Variants in SLC7A8 observed in about 807,000 individuals in gnomAD.
SLC7A8 encodes solute carrier family 7 member 8, also known as large neutral amino acids transporter small subunit 2.
Under a neutral mutation model 51.2 loss-of-function variants are expected in SLC7A8, and 30 were observed. That is an observed-to-expected ratio of 0.59 (90% CI 0.44 to 0.80). The LOEUF is 0.80. Ranked by LOEUF, SLC7A8 falls within the 30% of genes least tolerant of loss-of-function variation. The pLI, the probability that SLC7A8 is intolerant of heterozygous loss-of-function variation, is 0.00. For synonymous variants in SLC7A8, 257 were observed against 275.8 expected (o/e 0.93, Z 0.67); for missense variants, 612 against 674.4 (o/e 0.91, Z 1.03).
At chr14:23,134,624 T>G (rs1332703021) in intron 7 of SLC7A8, among the ~76,000 whole-genome samples, 2 of 151,774 alleles carry the variant, frequency 1.3e-5, no homozygotes, top group Non-Finnish European at 2.9e-5. Context: ...GTGGCGTGAT[T>G]ATAGCTCACT....
chr14:23,154,998 C>CCA (rs1297196970), intron 3 of SLC7A8, among the ~76,000 whole-genome samples: 3 of 89,438 alleles, frequency 3.4e-5, no homozygotes, highest in Non-Finnish European at 6.5e-5. Flanking sequence ...ACACAACAGA[C>CCA]AAAAAAAAAA....
At chr14:23,154,773 C>G (rs2048877727) in intron 3 of SLC7A8, among the ~76,000 whole-genome samples, 1 of 152,160 alleles carries the variant, frequency 6.6e-6, no homozygotes, top group South Asian at 2.1e-4. Flanking sequence ...TGGGCAGACA[C>G]GGATCCAGCT....
At chr14:23,178,820 G>A (rs1594843115) in intron 1 of SLC7A8, among the ~76,000 whole-genome samples, 1 of 148,814 alleles carries the variant, frequency 6.7e-6, no homozygotes, top group Non-Finnish European at 1.5e-5. Flanking sequence ...TTGCTTTCGA[G>A]GCTGCAGTGA....
At chr14:23,127,539 G>A (rs1327978002) in intron 10 of SLC7A8, among the ~76,000 whole-genome samples, 196 bp from the exon 11 acceptor site, 2 of 152,222 alleles carry the variant, frequency 1.3e-5, no homozygotes, top group African/African-American at 4.8e-5. Context: ...GAAGGCCCCA[G>A]CCTTCCCACC....
chr14:23,170,182 A>T (rs2048968914), intron 1 of SLC7A8, among the ~76,000 whole-genome samples: 1 of 152,176 alleles, frequency 6.6e-6, no homozygotes, highest in Non-Finnish European at 1.5e-5. Flanking sequence ...AGGTGAAGGG[A>T]CTTTATCAAA....
At chr14:23,140,681 C>T in intron 4 of SLC7A8, 57 bp from the exon 5 acceptor site, 1 of 1,531,614 alleles carries the variant, frequency 6.5e-7, no homozygotes, top group South Asian at 1.2e-5. Flanking sequence ...GCCCAGCAGC[C>T]CCTGGCCTGC....
intron 3 of SLC7A8, among the ~76,000 whole-genome samples, chr14:23,150,378 G>T (rs1389911106): frequency 6.6e-6 from 1 of 152,196 alleles, no homozygotes; most frequent in Non-Finnish European, 1.5e-5. Context: ...TGTAAGGTGT[G>T]AAGTGGTAAG....
intron 3 of SLC7A8, among the ~76,000 whole-genome samples, chr14:23,162,252 G>A (rs897779053): frequency 1.3e-5 from 2 of 152,172 alleles, no homozygotes; most frequent in Non-Finnish European, 2.9e-5. Flanking sequence ...GGCCTTCACA[G>A]CTAGGAGGAA....
In SLC7A8 at chr14:23,176,682, C is replaced by T. The variant is rs137879472; in HGVS notation, c.151+6082G>A. Among the ~76,000 whole-genome samples the T allele has an allele frequency of 1.1e-3, 175 of 152,204 alleles. 1 individual carries two copies. Among genetic ancestry groups the T allele is most frequent in the African/African-American group, 4.1e-3 (170 of 41,524 alleles). ...TTAGGCTGGGCGCGGTGGCTCACACCTATAATCCCAGCACTTTGGGAGGCC... is the reference window on the plus strand; with the variant it reads ...TTAGGCTGGGCGCGGTGGCTCACACTTATAATCCCAGCACTTTGGGAGGCC... On this transcript the variant is annotated intron_variant, in intron 1 of 10. Transcript: ENST00000316902.
intron 3 of SLC7A8, among the ~76,000 whole-genome samples, chr14:23,163,050 G>GA (rs1317407167): frequency 1.3e-5 from 2 of 152,156 alleles, no homozygotes; most frequent in African/African-American, 4.8e-5. Context: ...TCTGATGGCA[G>GA]AAACAGCACT....
intron 1 of SLC7A8, among the ~76,000 whole-genome samples, chr14:23,178,052 C>A (rs1339055354): frequency 6.6e-6 from 1 of 152,132 alleles, no homozygotes; most frequent in Non-Finnish European, 1.5e-5. Context: ...AGTTGTGTGA[C>A]CTTCAGCAAA....
Position 23,127,074 on chromosome 14 carries a change from CAGAG to C in SLC7A8, c.*99_*102del. Reference sequence around the variant, plus strand: ...AAGTCCTACCACTGCCTGACAAAAGCAGAGAGAGGGGTGTGTGTGTACTCGCATG... The same window carrying C: ...AAGTCCTACCACTGCCTGACAAAAGCAGAGGGGTGTGTGTGTACTCGCATG... On this transcript the variant is annotated 3_prime_UTR_variant, in exon 11 of 11. Transcript: ENST00000316902. The C allele has an allele frequency of 2.1e-6, 3 of 1,407,126 alleles. No individual in the cohort carries two copies. The highest frequency in any genetic ancestry group is 3.0e-6 in the Non-Finnish European group (3 of 1,015,646). 87.2% of individuals were successfully genotyped at this position (1,407,126 alleles called of 1,614,324 possible).
chr14:23,152,873 C>T (rs1416696478), intron 3 of SLC7A8, among the ~76,000 whole-genome samples: 2 of 152,112 alleles, frequency 1.3e-5, no homozygotes, highest in African/African-American at 4.8e-5. Flanking sequence ...AGCTGCCACT[C>T]GATGAGCCAC....
At chr14:23,134,245 T>G (rs557195866) in intron 7 of SLC7A8, among the ~76,000 whole-genome samples, 4 of 152,036 alleles carry the variant, frequency 2.6e-5, no homozygotes, top group Admixed American at 2.6e-4. Context: ...AAATGCAGCC[T>G]GGGCAACATG....
chr14:23,182,658 C>A, intron 1 of SLC7A8, 106 bp downstream of exon 1: 1 of 1,326,130 alleles, frequency 7.5e-7, no homozygotes, highest in South Asian at 1.7e-5. Flanking sequence ...ACTGACAATC[C>A]TTTTCTAAGG....
At position 23,137,901 on chromosome 14, in the gene SLC7A8, A is replaced by C; in HGVS notation, c.1016+20T>G. ...CAGCAGAGTGGCCCCTGGCCGGGGA[A>C]GGGCCCAGGCAGCACTCACCGAGAG... On this transcript the variant is annotated intron_variant, in intron 7 of 10. Transcript: ENST00000316902. The C allele has an allele frequency of 2.6e-4, 412 of 1,559,394 alleles. No individual in the cohort carries two copies. Among genetic ancestry groups the C allele is most frequent in the Non-Finnish European group, 3.2e-4 (366 of 1,134,154 alleles).
In SLC7A8 at chr14:23,165,483, G is replaced by T; in HGVS notation, c.357-47C>A. The T allele has an allele frequency of 6.5e-7, 1 of 1,549,886 alleles. No individual in the cohort carries two copies. Reference sequence around the variant, plus strand: ...CGCCGAAAGGCATGGCAGGGACGCAGAGCCATCAGGGGAGAGCCCGGGCAA... The same window carrying T: ...CGCCGAAAGGCATGGCAGGGACGCATAGCCATCAGGGGAGAGCCCGGGCAA... On this transcript the variant is annotated intron_variant, in intron 2 of 10. Coordinates refer to ENST00000316902, the MANE Select transcript of SLC7A8 (RefSeq NM_012244.4). This position sits in a 1 kb window ranked among gnomAD's most constrained non-coding sequence, Gnocchi z 4.2.
In SLC7A8 at chr14:23,165,461, C is replaced by A; in HGVS notation, c.357-25G>T. ...CCTGAAGGAGGAAAGGGACATCCGC[C>A]GAAAGGCATGGCAGGGACGCAGAGC... On this transcript the variant is annotated intron_variant, in intron 2 of 10. Coordinates refer to ENST00000316902, the MANE Select transcript of SLC7A8 (RefSeq NM_012244.4). This position sits in a 1 kb window ranked among gnomAD's most constrained non-coding sequence, Gnocchi z 4.2. The A allele has an allele frequency of 6.4e-7, 1 of 1,573,154 alleles. No individual in the cohort carries two copies. Among genetic ancestry groups the A allele is most frequent in the Non-Finnish European group, 8.6e-7 (1 of 1,164,864 alleles).
At chr14:23,130,031 G>A in intron 8 of SLC7A8, 1 of 511,430 alleles carries the variant, frequency 2.0e-6, no homozygotes, top group East Asian at 3.5e-5. Flanking sequence ...CACTCGTATG[G>A]CACGGGCACT....
Sources: gnomAD v4.1 joint callset for allele counts (sites outside exome capture counted in the v4.1 genomes callset) on GRCh38, gnomAD v4.1.1 for gene constraint, Gnocchi (gnomAD v3.1) non-coding constraint, MANE v1.5 for transcripts, NCBI Gene and HGNC (gene_info 2026-07-23, HGNC 2026-07-21) for gene names.